Variants in ERMP1 observed in about 807,000 individuals in gnomAD.
ERMP1 encodes Felix-ina.
In ERMP1, 86 loss-of-function variants were observed where a neutral mutation model predicts 92.0. That is an observed-to-expected ratio of 0.93 (90% confidence interval 0.79 to 1.12). ERMP1 has a LOEUF of 1.12. Ranked by LOEUF, ERMP1 falls within the 50% of genes most tolerant of loss-of-function variation. The probability of loss-of-function intolerance (pLI) is 0.00; values close to 1 mark genes in which losing one functional copy is unlikely to be tolerated. For synonymous variants in ERMP1, 530 were observed against 412.8 expected (o/e 1.28, Z -3.44); for missense variants, 1,342 against 1,116.3 (o/e 1.20, Z -2.88).
intron 4 of ERMP1, among the ~76,000 whole-genome samples, chr9:5,821,054 CA>C (rs2131258383): frequency 6.6e-6 from 1 of 152,260 alleles, no homozygotes; most frequent in South Asian, 2.1e-4. Context: ...ATAATCTCTT[CA>C]AATCTTTTGT....
intron 5 of ERMP1, among the ~76,000 whole-genome samples, chr9:5,864,083 C>A (rs1209369430): frequency 6.6e-6 from 1 of 152,118 alleles, no homozygotes; most frequent in Admixed American, 6.5e-5. Flanking sequence ...GCCAAACTGC[C>A]CTCCAGAATT....
Position 5,786,860 on chromosome 9 carries a change from C to T in ERMP1, c.*284G>A. 4.4e-6 allele frequency: 1 copy of T among 228,422 alleles called. No individual in the cohort carries two copies. The highest frequency in any genetic ancestry group is 8.6e-6 in the Non-Finnish European group (1 of 116,058). The allele number at this position is 228,422 out of a possible 1,614,324, so 14.1% of individuals were successfully genotyped here. ...GGCAGCTATTGAAGTGGATTGTTGG[C>T]TTTGTCCTTAAGGTCATATAAAATG... On this transcript the variant is annotated 3_prime_UTR_variant, in exon 15 of 15. Transcript: ENST00000339450.
chr9:5,834,914 T>C (rs1052584449), upstream of ERMP1, among the ~76,000 whole-genome samples: 1 of 150,098 alleles, frequency 6.7e-6, no homozygotes, highest in Non-Finnish European at 1.5e-5. Flanking sequence ...ATGCAGATGA[T>C]ACCTGCCTTA....
intron 13 of ERMP1, chr9:5,791,163 G>A (rs936815736): frequency 2.2e-6 from 1 of 455,610 alleles, no homozygotes; most frequent in African/African-American, 2.0e-5. Context: ...AAACCAACAG[G>A]ATGTGTACAG....
chr9:5,847,301 G>C (rs1216981271), intron 6 of ERMP1, among the ~76,000 whole-genome samples: 2 of 152,130 alleles, frequency 1.3e-5, no homozygotes, highest in African/African-American at 4.8e-5. Context: ...CTGTTGTCCA[G>C]GCTGTAGTGC....
At chr9:5,813,365 G>A (rs1201391491) in intron 4 of ERMP1, among the ~76,000 whole-genome samples, 1 of 152,114 alleles carries the variant, frequency 6.6e-6, no homozygotes, top group Non-Finnish European at 1.5e-5. Flanking sequence ...AGAATTGTGT[G>A]TATATAGCTG....
intron 4 of ERMP1, among the ~76,000 whole-genome samples, chr9:5,815,427 G>C (rs1156577261): frequency 6.8e-6 from 1 of 146,470 alleles, no homozygotes; most frequent in Admixed American, 7.0e-5. Context: ...GACAATTCAT[G>C]CAACAAAATA....
intron 5 of ERMP1, among the ~76,000 whole-genome samples, chr9:5,866,494 G>A (rs139252980): frequency 4.2e-4 from 64 of 152,294 alleles, no homozygotes; most frequent in African/African-American, 1.4e-3. Flanking sequence ...AAACAGCCCA[G>A]AATTGGTAGC....
chr9:5,858,419 C>T (rs990526172), intron 6 of ERMP1, among the ~76,000 whole-genome samples: 10 of 152,164 alleles, frequency 6.6e-5, no homozygotes, highest in Non-Finnish European at 1.5e-4. Context: ...AAACAAGAGC[C>T]AGACAAAATA....
At position 5,832,824 on chromosome 9, in the gene ERMP1, C is replaced by G. The variant is rs1435858980; in HGVS notation, c.204G>C (p.Leu68=). ...GCCCCAGCGCGGCGCGCACCTCAGACAGCCCGGTCCCCGCGCCCCTGCTCG... is the reference window on the plus strand; with the variant it reads ...GCCCCAGCGCGGCGCGCACCTCAGAGAGCCCGGTCCCCGCGCCCCTGCTCG... The part of the protein sequence containing the change: ...GGASRGAGTG[L]SEVRAALGLA... The change falls in exon 1 of 15, where the codon CTG becomes CTC. Residue 68 remains leucine (L), a synonymous_variant. Coordinates refer to ENST00000339450, the MANE Select transcript of ERMP1 (RefSeq NM_024896.3). 1.6e-5 allele frequency: 24 copies of G among 1,501,900 alleles called. No individual in the cohort carries two copies. The highest frequency in any genetic ancestry group is 1.9e-5 in the Non-Finnish European group (21 of 1,133,716). The allele number at this position is 1,501,900 out of a possible 1,614,324, so 93.0% of individuals were successfully genotyped here.
At chr9:5,790,189 T>C (rs1393797320) in intron 13 of ERMP1, among the ~76,000 whole-genome samples, 9 of 149,612 alleles carry the variant, frequency 6.0e-5, no homozygotes, top group African/African-American at 2.2e-4. Flanking sequence ...TTTTTTTTTT[T>C]TTTCCCCTGA....
intron 13 of ERMP1, among the ~76,000 whole-genome samples, chr9:5,795,508 G>T (rs539667255): frequency 6.6e-6 from 1 of 152,196 alleles, no homozygotes; most frequent in Admixed American, 6.5e-5. Flanking sequence ...GGCTGGGCGC[G>T]GTGGCTCACG....
chr9:5,834,981 G>A (rs1001065530), upstream of ERMP1, among the ~76,000 whole-genome samples: 5 of 25,242 alleles, frequency 2.0e-4, no homozygotes, highest in African/African-American at 5.3e-4. Context: ...AGATAGATGT[G>A]TGTGTGTGTG....
At chr9:5,864,206 T>C (rs1280224393) in intron 5 of ERMP1, among the ~76,000 whole-genome samples, 3 of 152,244 alleles carry the variant, frequency 2.0e-5, no homozygotes, top group East Asian at 3.8e-4. Flanking sequence ...ATTTTCCTCA[T>C]AGACTTGTTG....
At chr9:5,792,529 T>A (rs13289883) in intron 13 of ERMP1, among the ~76,000 whole-genome samples, 2,932 of 152,306 alleles carry the variant, frequency 0.019, 31 homozygotes, top group Non-Finnish European at 0.025. Flanking sequence ...ATAACCAGTC[T>A]CAACTTCTTT....
intron 5 of ERMP1, among the ~76,000 whole-genome samples, chr9:5,867,025 T>C (rs528116061): frequency 2.6e-5 from 4 of 152,236 alleles, no homozygotes; most frequent in South Asian, 4.1e-4. Flanking sequence ...TGAGACCCCA[T>C]CTCTACAAGA....
At chr9:5,837,801 C>T (rs549216903), upstream of ERMP1, among the ~76,000 whole-genome samples, 3 of 152,252 alleles carry the variant, frequency 2.0e-5, no homozygotes, top group South Asian at 6.2e-4. Context: ...CCATTTTTAT[C>T]ACATTGAAAA....
At chr9:5,802,964 C>T (rs1045211894) in intron 10 of ERMP1, among the ~76,000 whole-genome samples, 4 of 151,954 alleles carry the variant, frequency 2.6e-5, no homozygotes, top group Non-Finnish European at 4.4e-5. Context: ...ACCCAGGAGG[C>T]GGTGGTTGCA....
intron 6 of ERMP1, among the ~76,000 whole-genome samples, chr9:5,838,207 C>T (rs1350244762): frequency 6.6e-6 from 1 of 152,064 alleles, no homozygotes; most frequent in Non-Finnish European, 1.5e-5. Flanking sequence ...TTGAAAAGAC[C>T]TTTCTGGAAA....
Sources: gnomAD v4.1 joint callset for allele counts (sites outside exome capture counted in the v4.1 genomes callset) on GRCh38, gnomAD v4.1.1 for gene constraint, MANE v1.5 for transcripts, NCBI Gene and HGNC (gene_info 2026-07-23, HGNC 2026-07-21) for gene names.